CFAP410: variants seen among roughly 807,000 people sequenced by gnomAD.
CFAP410 encodes the protein cilia- and flagella-associated protein 410.
A neutral mutation model predicts 25.7 loss-of-function variants in CFAP410; 27 were observed. The ratio of observed to expected loss-of-function variants is 1.05; its 90% CI spans 0.77 to 1.45. CFAP410 has a LOEUF of 1.45. CFAP410 is among the 40% of genes most tolerant of loss of function. CFAP410 has a pLI of 0.00. For missense variants in CFAP410, 428 were observed against 354.1 expected, an observed-to-expected ratio of 1.21 and a Z score of -1.67; for synonymous variants, 178 against 158.4, an observed-to-expected ratio of 1.12 and a Z score of -0.93.
chr21:44,331,087 C>T, intron 5 of CFAP410, 168 bp from the exon 6 acceptor site: 3 of 647,612 alleles, frequency 4.6e-6, no homozygotes, highest in Non-Finnish European at 7.9e-6. Context: ...TCAGGGGCTA[C>T]AGATGGCAGC....
intron 1 of CFAP410, chr21:44,338,284 C>A: frequency 1.6e-6 from 2 of 1,287,658 alleles, no homozygotes; most frequent in Non-Finnish European, 2.0e-6. Flanking sequence ...TCTCGCTGAC[C>A]CCCACACCCG....
chr21:44,330,082 G>T lies in CFAP410; in HGVS notation c.*116C>A. 1.6e-6 allele frequency: 2 copies of T among 1,240,676 alleles called. No individual in the cohort carries two copies. The highest frequency in any genetic ancestry group is 2.7e-4 in the Middle Eastern group (1 of 3,638). The allele number at this position is 1,240,676 out of a possible 1,614,324, so 76.9% of individuals were successfully genotyped here. On this transcript the variant is annotated 3_prime_UTR_variant, in exon 7 of 7. Transcript: ENST00000339818. ...TGCCCTCGGCCGATGTGGCAAACCG[G>T]GGAGGCTTTTGTGTGGGGCCGGGGC...
Position 44,339,334 on chromosome 21 carries a change from G to C in CFAP410, c.-140C>G, listed in dbSNP as rs1180726990. 2.1e-6 allele frequency: 1 copy of C among 475,178 alleles called. No individual in the cohort carries two copies. The highest frequency in any genetic ancestry group is 3.5e-6 in the Non-Finnish European group (1 of 284,418). 29.4% of individuals were successfully genotyped at this position (475,178 alleles called of 1,614,324 possible). A position where few individuals can be genotyped will look rare whatever the true frequency, so the allele number is the denominator to read the frequency against. On this transcript the variant is annotated 5_prime_UTR_variant, in exon 1 of 7. Transcript: ENST00000339818. ...GAGCCGATTGGCGGCTCGGTGAGGA[G>C]AGCGGGGCGACGCGAGCCCGCTGGG... is the stretch of plus-strand genomic sequence containing the variant.
At chr21:44,330,778 G>A (rs368079632) in intron 6 of CFAP410, 45 bp downstream of exon 6, 4 of 1,555,272 alleles carry the variant, frequency 2.6e-6, no homozygotes, top group Non-Finnish European at 2.6e-6. Context: ...TGCAGTGGGT[G>A]CAGTGGGCAG....
Position 44,339,126 on chromosome 21 carries a change from G to T in CFAP410, c.69C>A (p.Leu23=). The T allele has an allele frequency of 6.9e-7, 1 of 1,457,128 alleles. No individual in the cohort carries two copies. The highest frequency in any genetic ancestry group is 9.1e-7 in the Non-Finnish European group (1 of 1,098,960). 90.3% of individuals were successfully genotyped at this position (1,457,128 alleles called of 1,614,324 possible). A position where few individuals can be genotyped will look rare whatever the true frequency, so the allele number is the denominator to read the frequency against. Residue 23 remains leucine (L), a synonymous_variant, in exon 1 of 7, where the codon CTC becomes CTA. Coordinates refer to ENST00000339818, the MANE Select transcript of CFAP410 (RefSeq NM_004928.3). Reference sequence around the variant, plus strand: ...GCCAGGCCCCGCCTCACCAGCAGTTGAGCTTGCGCACGCTGTGCAGCTCCG... The same window carrying T: ...GCCAGGCCCCGCCTCACCAGCAGTTTAGCTTGCGCACGCTGTGCAGCTCCG... The part of the protein sequence containing the change: ...KASELHSVRK[L]NCWGSRLTDI...
chr21:44,334,449 C>G, intron 3 of CFAP410: 2 of 339,994 alleles, frequency 5.9e-6, no homozygotes, highest in Non-Finnish European at 1.1e-5. Flanking sequence ...CACTGTGTCG[C>G]CTGACTAGTG....
chr21:44,332,074 A>G, intron 4 of CFAP410, 60 bp from the exon 5 acceptor site: 1 of 1,407,910 alleles, frequency 7.1e-7, no homozygotes, highest in Non-Finnish European at 9.7e-7. Flanking sequence ...GGCCACATGC[A>G]CTGCAGCTCC....
chr21:44,334,273 G>T (rs770586074), intron 3 of CFAP410: 1 of 456,266 alleles, frequency 2.2e-6, no homozygotes, highest in South Asian at 1.5e-5. Context: ...CCACACACGA[G>T]CGGCCTGATG....
intron 6 of CFAP410, 89 bp downstream of exon 6, chr21:44,330,732 CCT>C (rs1568984690): frequency 6.4e-7 from 1 of 1,550,562 alleles, no homozygotes; most frequent in Non-Finnish European, 8.7e-7. Flanking sequence ...CCCACGGGGC[CCT>C]GTGAGGCTCC....
At chr21:44,335,927 C>A (rs889586842) in intron 2 of CFAP410, 123 bp from the exon 3 acceptor site, 4 of 721,920 alleles carry the variant, frequency 5.5e-6, no homozygotes, top group Non-Finnish European at 9.8e-6. Flanking sequence ...AGGGGCACGG[C>A]CTTACTCAGC....
Position 44,331,883 on chromosome 21 carries a change from C to T in CFAP410, c.505G>A (p.Glu169Lys), listed in dbSNP as rs78738212. 1.9e-4 allele frequency: 314 copies of T among 1,612,784 alleles called. No homozygotes were observed. In the African/African-American group the frequency reaches 3.7e-3, roughly 19 times the overall value. Residue 169 changes from glutamate to lysine, a missense_variant, in exon 5 of 7, where the codon GAG becomes AAG. Glu to Lys is a moderately conservative substitution (Grantham distance 56, BLOSUM62 1). Transcript: ENST00000339818. Reference sequence around the variant, plus strand: ...CTGTCCAGCGGGTCCCGGCCAGTCTCAGCAGCGGAGCTGAGGGAGCTCAGT... The same window carrying T: ...CTGTCCAGCGGGTCCCGGCCAGTCTTAGCAGCGGAGCTGAGGGAGCTCAGT... ...CTLSSLSSAA[E>K]TGRDPLDSEE...
intron 3 of CFAP410, chr21:44,334,193 G>A (rs2047705612): frequency 6.6e-6 from 3 of 456,224 alleles, no homozygotes; most frequent in Non-Finnish European, 1.3e-5. Context: ...CAGGCGTGCA[G>A]GCACCACGCA....
Position 44,330,241 on chromosome 21 carries a change from A to G in CFAP410, c.728T>C (p.Leu243Pro). 1 of 1,593,248 alleles carries G rather than the reference A, an allele frequency of 6.3e-7. No individual in the cohort carries two copies. Among genetic ancestry groups the G allele is most frequent in the Non-Finnish European group, 8.5e-7 (1 of 1,172,138 alleles). Residue 243 changes from leucine to proline, a missense_variant, in exon 7 of 7, where the codon CTG becomes CCG. Physicochemically the swap from Leu to Pro is moderately conservative, Grantham distance 98. Coordinates refer to ENST00000339818, the MANE Select transcript of CFAP410 (RefSeq NM_004928.3). Reference protein sequence around the residue: ...EAVQQTVGSRLQALRGEEVQE... With the variant: ...EAVQQTVGSRPQALRGEEVQE... ...CACCTCTTCCCCACGCAGGGCCTGC[A>G]GCCGGCTGCCCACAGTCTGCTGCAC...
chr21:44,334,422 G>C (rs1048738614), intron 3 of CFAP410: 12 of 373,026 alleles, frequency 3.2e-5, no homozygotes. Context: ...TCGGAGGCAG[G>C]CCTGAAATCC....
chr21:44,339,205 C>A lies in CFAP410; in HGVS notation c.-11G>T. The A allele has an allele frequency of 6.9e-7, 1 of 1,441,130 alleles. No homozygotes were observed. The allele number at this position is 1,441,130 out of a possible 1,614,324, so 89.3% of individuals were successfully genotyped here. On this transcript the variant is annotated 5_prime_UTR_variant, in exon 1 of 7. Transcript: ENST00000339818. ...CCGCGTCAGCTTCATGGCGGCCGCC[C>A]AGGCCCGACCGGCGGGCGCCCCCGG...
chr21:44,333,980 GC>G (rs1333117379), intron 3 of CFAP410: 1 of 400,992 alleles, frequency 2.5e-6, no homozygotes, highest in Admixed American at 2.6e-5. Flanking sequence ...GCCGTCCTGA[GC>G]CCCCCTCCCC....
rs2047689314 is a variant in CFAP410 at position 44,333,383 on chromosome 21, C to A, written c.144-121G>T. On this transcript the variant is annotated intron_variant, in intron 3 of 6. Coordinates refer to ENST00000339818, the MANE Select transcript of CFAP410 (RefSeq NM_004928.3). ...TGTGTCCCTGCCCTCTCCTGAGAAGCCTAAATCGGATGTCACAAGTCACGT... is the reference window on the plus strand; with the variant it reads ...TGTGTCCCTGCCCTCTCCTGAGAAGACTAAATCGGATGTCACAAGTCACGT... 10 of 760,156 alleles carry A rather than the reference C, an allele frequency of 1.3e-5. No homozygotes were observed. The South Asian group carries it at 1.7e-4, about 13-fold the overall frequency. The allele number at this position is 760,156 out of a possible 1,614,324, so 47.1% of individuals were successfully genotyped here.
chr21:44,331,720 C>T (rs567396650), intron 5 of CFAP410, 123 bp downstream of exon 5: 21 of 898,816 alleles, frequency 2.3e-5, no homozygotes, highest in Non-Finnish European at 3.3e-5. Flanking sequence ...GACACTCCCC[C>T]CGGATAATCC....
At chr21:44,338,450 G>C in intron 1 of CFAP410, 1 of 523,754 alleles carries the variant, frequency 1.9e-6, no homozygotes, top group Non-Finnish European at 3.3e-6. Flanking sequence ...CTTTCAGCCT[G>C]CCTGGGTCCC....
Sources: gnomAD v4.1 joint callset for allele counts on GRCh38, gnomAD v4.1.1 for gene constraint, MANE v1.5 for transcripts, NCBI Gene and HGNC (gene_info 2026-07-23, HGNC 2026-07-21) for gene names.